AFTPH: variants seen among roughly 807,000 people sequenced by gnomAD.
The protein encoded by AFTPH is aftiphilin protein.
AFTPH carries 7 observed loss-of-function variants against 72.5 expected under a neutral mutation model. The ratio of observed to expected loss-of-function variants is 0.10; its 90% confidence interval spans 0.05 to 0.18. The LOEUF is 0.18. AFTPH is among the 10% of genes least tolerant of loss of function. AFTPH has a pLI of 1.00. For synonymous variants in AFTPH, 337 were observed against 370.1 expected (o/e 0.91, Z 1.03); for missense variants, 979 against 1,060.5 (o/e 0.92, Z 1.07).
At chr2:64,535,563 A>G (rs527247794) in intron 1 of AFTPH, among the ~76,000 whole-genome samples, 68 of 151,166 alleles carry the variant, frequency 4.5e-4, no homozygotes, top group African/African-American at 1.5e-3. Context: ...CTTCCTCTGT[A>G]AAATGGGTTT....
exon 2 of AFTPH, chr2:64,552,013 A>G: frequency 6.2e-7 from 1 of 1,613,940 alleles, no homozygotes; most frequent in Non-Finnish European, 8.5e-7. Context: ...CCTTGTCTGG[A>G]GATTCTAACA....
intron 2 of AFTPH, among the ~76,000 whole-genome samples, chr2:64,554,627 G>A (rs1473668872): frequency 6.6e-6 from 1 of 152,124 alleles, no homozygotes; most frequent in Non-Finnish European, 1.5e-5. Flanking sequence ...ATAGCTAATC[G>A]CTTTTTAGTT....
intron 5 of AFTPH, 147 bp from the exon 6 acceptor site, chr2:64,572,799 C>G (rs1672521303): frequency 9.2e-7 from 1 of 1,081,994 alleles, no homozygotes; most frequent in Non-Finnish European, 1.2e-6. Flanking sequence ...GAGACCTTGT[C>G]TCTTAAAAAA....
chr2:64,578,524 G>C (rs780250479), intron 6 of AFTPH, among the ~76,000 whole-genome samples: 1 of 151,002 alleles, frequency 6.6e-6, no homozygotes, highest in Non-Finnish European at 1.5e-5. Context: ...TTATATGTTT[G>C]ACAGTTACGA....
chr2:64,535,183 G>A (rs928792084), intron 1 of AFTPH, among the ~76,000 whole-genome samples: 1 of 152,162 alleles, frequency 6.6e-6, no homozygotes, highest in African/African-American at 2.4e-5. Flanking sequence ...TAGCAGTTCA[G>A]TTTAGAAACA....
intron 3 of AFTPH, 78 bp from the exon 4 acceptor site, chr2:64,569,014 C>T (rs768199746): frequency 1.1e-5 from 16 of 1,495,690 alleles, no homozygotes; most frequent in Non-Finnish European, 1.4e-5. Flanking sequence ...TGTTATGTCA[C>T]AGCCATATTA....
chr2:64,546,233 C>A (rs555306077), intron 1 of AFTPH, among the ~76,000 whole-genome samples: 6 of 151,868 alleles, frequency 4.0e-5, no homozygotes, highest in Middle Eastern at 3.4e-3. Flanking sequence ...AGTCTGCGAA[C>A]AATAATGTTA....
At chr2:64,591,624 T>C (rs542292191) in intron 8 of AFTPH, among the ~76,000 whole-genome samples, 55 of 152,326 alleles carry the variant, frequency 3.6e-4, no homozygotes, top group African/African-American at 1.2e-3. Flanking sequence ...GTACACGAGC[T>C]GTCTAGGTGT....
At chr2:64,543,827 C>T (rs1670400068) in intron 1 of AFTPH, among the ~76,000 whole-genome samples, 1 of 152,208 alleles carries the variant, frequency 6.6e-6, no homozygotes, top group Non-Finnish European at 1.5e-5. Context: ...CTTTTGACCC[C>T]AGAGCTTACA....
rs548908591 is a variant in AFTPH, at chr2:64,586,774, A to G, written c.2579+1229A>G. ...AATGAACCTACTTGTAAATGTGGCT[A>G]TGTGGCTTTTTTTAAATTTTTTTCT... On this transcript the variant is annotated intron_variant, in intron 8 of 8. Coordinates refer to ENST00000238856, the Ensembl canonical transcript of AFTPH. Among the ~76,000 whole-genome samples the G allele has an allele frequency of 1.8e-4, 28 of 152,304 alleles. No individual in the cohort carries two copies. In the South Asian group the frequency reaches 5.0e-3, roughly 27 times the overall value.
chr2:64,540,324 C>G (rs1195582387), intron 1 of AFTPH, among the ~76,000 whole-genome samples: 1 of 152,034 alleles, frequency 6.6e-6, no homozygotes, highest in Non-Finnish European at 1.5e-5. Flanking sequence ...AATAGTTATC[C>G]AATGTTATGT....
At chr2:64,590,129 A>G (rs530011211) in intron 8 of AFTPH, among the ~76,000 whole-genome samples, 24 of 152,222 alleles carry the variant, frequency 1.6e-4, no homozygotes, top group African/African-American at 5.1e-4. Context: ...CCAGTATTCA[A>G]TTGAAGACTA....
chr2:64,575,865 C>T (rs905621830), intron 6 of AFTPH, among the ~76,000 whole-genome samples: 1 of 151,198 alleles, frequency 6.6e-6, no homozygotes, highest in Non-Finnish European at 1.5e-5. Flanking sequence ...CAGCCTCCCA[C>T]GTAGCTGGGA....
At chr2:64,576,383 A>G (rs561758113) in intron 6 of AFTPH, among the ~76,000 whole-genome samples, 2 of 151,972 alleles carry the variant, frequency 1.3e-5, no homozygotes, top group South Asian at 4.1e-4. Flanking sequence ...CAATTTTGGT[A>G]CCCATTGAGT....
At chr2:64,565,244 G>A (rs1182958895) in intron 2 of AFTPH, among the ~76,000 whole-genome samples, 6 of 152,120 alleles carry the variant, frequency 3.9e-5, no homozygotes, top group South Asian at 2.1e-4. Context: ...TTGGGAGACC[G>A]AGGTGGGTGG....
At chr2:64,577,672 A>AT (rs1340660923) in intron 6 of AFTPH, among the ~76,000 whole-genome samples, 2 of 152,188 alleles carry the variant, frequency 1.3e-5, no homozygotes, top group African/African-American at 4.8e-5. Context: ...GTTTCCTTTT[A>AT]TGATCAGCTA....
intron 1 of AFTPH, among the ~76,000 whole-genome samples, chr2:64,543,645 A>G (rs13013982): frequency 0.32 from 48,000 of 152,028 alleles, 7,648 homozygotes; most frequent in South Asian, 0.39. Context: ...TCCCCACCAC[A>G]CTGCAGTGGC....
intron 7 of AFTPH, among the ~76,000 whole-genome samples, chr2:64,584,621 C>G (rs1971712): frequency 0.45 from 62,066 of 137,066 alleles, 14,831 homozygotes; most frequent in African/African-American, 0.64. Context: ...TTTTGAGACG[C>G]AGTCTTGTTC....
chr2:64,576,102 C>T (rs1175653301), intron 6 of AFTPH, among the ~76,000 whole-genome samples: 2 of 110,710 alleles, frequency 1.8e-5, no homozygotes, highest in Non-Finnish European at 3.1e-5. Context: ...CACACACACA[C>T]ACACACACAC....
Sources: gnomAD v4.1 joint callset for allele counts (sites outside exome capture counted in the v4.1 genomes callset) on GRCh38, gnomAD v4.1.1 for gene constraint, MANE v1.5 for transcripts, NCBI Gene and HGNC (gene_info 2026-07-23, HGNC 2026-07-21) for gene names.